PPP2R2B: variants seen among roughly 807,000 people sequenced by gnomAD.
PPP2R2B encodes protein phosphatase 2 regulatory subunit Bbeta.
In PPP2R2B, 5 loss-of-function variants were observed where a neutral mutation model predicts 46.0. The observed-to-expected ratio is 0.11, with a 90% CI of 0.06 to 0.23. The LOEUF is 0.23. Among genes scored for constraint, PPP2R2B ranks in the 10% least tolerant of loss-of-function variants. The probability of loss-of-function intolerance (pLI) is 1.00; values close to 1 mark genes in which losing one functional copy is unlikely to be tolerated. For missense variants in PPP2R2B, 367 were observed against 575.0 expected, an observed-to-expected ratio of 0.64 and a Z score of 3.70; for synonymous variants, 215 against 206.7, an observed-to-expected ratio of 1.04 and a Z score of -0.34.
intron 1 of PPP2R2B, among the ~76,000 whole-genome samples, chr5:146,930,960 A>G (rs1403565008): frequency 6.6e-6 from 1 of 152,160 alleles, no homozygotes; most frequent in African/African-American, 2.4e-5. Flanking sequence ...TGCTCACCAT[A>G]TTATAATAAA....
At chr5:147,000,625 G>A (rs1162593730) in intron 1 of PPP2R2B, among the ~76,000 whole-genome samples, 1 of 82,804 alleles carries the variant, frequency 1.2e-5, no homozygotes, top group East Asian at 4.4e-4. Context: ...ATTATGATCA[G>A]TAACTATTAG....
At chr5:147,029,488 T>C (rs962835892) in intron 1 of PPP2R2B, among the ~76,000 whole-genome samples, 1 of 152,200 alleles carries the variant, frequency 6.6e-6, no homozygotes, top group Non-Finnish European at 1.5e-5. Flanking sequence ...CATTGATTTG[T>C]TTGTTTGTCC....
chr5:146,767,817 T>C (rs1236859973), intron 2 of PPP2R2B, among the ~76,000 whole-genome samples: 1 of 152,208 alleles, frequency 6.6e-6, no homozygotes, highest in Non-Finnish European at 1.5e-5. Context: ...AAATGTAGCA[T>C]GACACGTATC....
intron 1 of PPP2R2B, among the ~76,000 whole-genome samples, chr5:146,913,859 A>G (rs1763279131): frequency 1.3e-5 from 2 of 152,186 alleles, no homozygotes; most frequent in Non-Finnish European, 2.9e-5. Flanking sequence ...TTTACCTCCT[A>G]CGTCCTACTA....
intron 5 of PPP2R2B, among the ~76,000 whole-genome samples, chr5:146,686,706 AC>A (rs1193224852): frequency 6.6e-6 from 1 of 152,162 alleles, no homozygotes; most frequent in Non-Finnish European, 1.5e-5. Context: ...GCCGATTTCA[AC>A]CTGGCCTAGG....
chr5:146,849,356 C>G (rs959735073), intron 2 of PPP2R2B, among the ~76,000 whole-genome samples: 4 of 152,114 alleles, frequency 2.6e-5, no homozygotes, highest in Admixed American at 1.3e-4. Context: ...TAATTCATTA[C>G]CACATGTAGC....
chr5:146,706,593 ACCAGCTCCCTGCGCTGCTCCG>A (rs1434542316), intron 2 of PPP2R2B: 1 of 834,696 alleles, frequency 1.2e-6, no homozygotes, highest in Non-Finnish European at 2.0e-6. Flanking sequence ...ATCCTTAATG[ACCAGCTCCCTGCGCTGCTCCG>A]CATCTGCGAT....
chr5:146,790,316 A>T (rs879859357), intron 2 of PPP2R2B, among the ~76,000 whole-genome samples: 13 of 152,234 alleles, frequency 8.5e-5, no homozygotes, highest in Non-Finnish European at 1.9e-4. Context: ...CTTGAAAATC[A>T]TAACAACCAC....
At chr5:146,648,493 T>C (rs962091403) in intron 6 of PPP2R2B, among the ~76,000 whole-genome samples, 4 of 152,220 alleles carry the variant, frequency 2.6e-5, no homozygotes, top group Non-Finnish European at 5.9e-5. Context: ...TGACCTACTA[T>C]TATTTCGAAC....
chr5:147,063,554 G>A (rs1040004892), intron 2 of PPP2R2B, among the ~76,000 whole-genome samples: 1 of 152,126 alleles, frequency 6.6e-6, no homozygotes, highest in Non-Finnish European at 1.5e-5. Flanking sequence ...TAAAAAGAAA[G>A]CATTCCAAAG....
At chr5:146,791,614 C>T (rs1756208242) in intron 2 of PPP2R2B, among the ~76,000 whole-genome samples, 2 of 152,150 alleles carry the variant, frequency 1.3e-5, no homozygotes, top group South Asian at 4.2e-4. Flanking sequence ...CTCCTCAAAG[C>T]TCTCCAAACA....
chr5:146,899,199 C>CA (rs1386106647), intron 1 of PPP2R2B, among the ~76,000 whole-genome samples: 2 of 144,680 alleles, frequency 1.4e-5, no homozygotes, highest in African/African-American at 2.7e-5. Context: ...GCACTATTCA[C>CA]AATAGCAAAG....
At chr5:146,806,873 G>A (rs1377542183) in intron 2 of PPP2R2B, among the ~76,000 whole-genome samples, 8 of 152,202 alleles carry the variant, frequency 5.3e-5, no homozygotes, top group African/African-American at 1.4e-4. Context: ...AAGTGCCCCC[G>A]ACAGGGGAGC....
chr5:146,703,538 T>C (rs974533393), intron 2 of PPP2R2B, among the ~76,000 whole-genome samples: 2 of 152,198 alleles, frequency 1.3e-5, no homozygotes, highest in African/African-American at 4.8e-5. Context: ...TTTGGTGAAG[T>C]TGGGTATCAG....
At position 146,925,590 on chromosome 5, in the gene PPP2R2B, A is replaced by T. The variant is rs148409045; in HGVS notation, c.79+130075T>A. On this transcript the variant is annotated intron_variant, in intron 1 of 8. Transcript: ENST00000336640. Reference sequence around the variant, plus strand: ...TTTCTCTTTGGATTTGGCATACAACAGTTTGACAATGATGTGTTCAAGTGT... The same window carrying T: ...TTTCTCTTTGGATTTGGCATACAACTGTTTGACAATGATGTGTTCAAGTGT... Among the ~76,000 whole-genome samples the T allele has an allele frequency of 3.0e-3, 455 of 152,288 alleles. 6 individuals are homozygous for T. Among genetic ancestry groups the T allele is most frequent in the African/African-American group, 0.01 (433 of 41,558 alleles).
chr5:146,661,243 C>T (rs1776648295), intron 5 of PPP2R2B, among the ~76,000 whole-genome samples: 1 of 152,020 alleles, frequency 6.6e-6, no homozygotes, highest in Non-Finnish European at 1.5e-5. Context: ...GGTAGCTCCT[C>T]CTGAAACAAA....
At chr5:146,824,762 G>T (rs1363844569) in intron 2 of PPP2R2B, among the ~76,000 whole-genome samples, 7 of 150,616 alleles carry the variant, frequency 4.6e-5, no homozygotes, top group Non-Finnish European at 4.4e-5. Context: ...TTTGAGATGG[G>T]GCTGAAGTGC....
intron 1 of PPP2R2B, among the ~76,000 whole-genome samples, chr5:147,015,780 T>C (rs1024775653): frequency 6.7e-6 from 1 of 150,138 alleles, no homozygotes; most frequent in African/African-American, 2.4e-5. Flanking sequence ...TAATGTAATA[T>C]ACATTCTTAA....
chr5:147,063,812 C>A (rs189716713), intron 2 of PPP2R2B, among the ~76,000 whole-genome samples: 104 of 152,306 alleles, frequency 6.8e-4, no homozygotes, highest in African/African-American at 2.4e-3. Context: ...AGGAACGCAG[C>A]ACATGAATCC....
Sources: gnomAD v4.1 joint callset for allele counts (sites outside exome capture counted in the v4.1 genomes callset) on GRCh38, gnomAD v4.1.1 for gene constraint, MANE v1.5 for transcripts, NCBI Gene and HGNC (gene_info 2026-07-23, HGNC 2026-07-21) for gene names.